Variants in KIF5B observed in about 807,000 individuals in gnomAD.
The protein encoded by KIF5B is kinesin family member 5B, also known as kinesin-1 heavy chain.
Under a neutral mutation model 132.8 loss-of-function variants are expected in KIF5B, and 49 were observed. The ratio of observed to expected loss-of-function variants is 0.37; its 90% CI spans 0.29 to 0.47. KIF5B has a LOEUF of 0.47. Ranked by LOEUF, KIF5B falls within the 20% of genes least tolerant of loss-of-function variation. The probability of loss-of-function intolerance (pLI) is 1.00; values close to 1 mark genes in which losing one functional copy is unlikely to be tolerated. For synonymous variants in KIF5B, 355 were observed against 369.4 expected (o/e 0.96, Z 0.45); for missense variants, 780 against 1,144.0 (o/e 0.68, Z 4.59).
At position 32,015,532 on chromosome 10, in the gene KIF5B, C is replaced by T. The variant is rs1284925325; in HGVS notation, c.2889G>A (p.Val963=). Residue 963 remains valine, a synonymous_variant, in exon 25 of 26, where the codon GTG becomes GTA. Coordinates refer to ENST00000302418, the MANE Select transcript of KIF5B (RefSeq NM_004521.3). Reference sequence around the variant, plus strand: ...ACCTGTGGGTATGTATAAACGATTACACTTGTTTGCCTCCTCCACCTCGCA... The same window carrying T: ...ACCTGTGGGTATGTATAAACGATTATACTTGTTTGCCTCCTCCACCTCGCA... ...VAVRGGGGKQ[V] is the part of the protein sequence containing the mutation. 3.1e-6 allele frequency: 5 copies of T among 1,608,520 alleles called. No individual in the cohort carries two copies. Among genetic ancestry groups the T allele is most frequent in the African/African-American group, 2.7e-5 (2 of 74,630 alleles).
At chr10:32,013,768 G>A (rs896924320) in intron 25 of KIF5B, among the ~76,000 whole-genome samples, 2 of 152,130 alleles carry the variant, frequency 1.3e-5, no homozygotes, top group Non-Finnish European at 2.9e-5. Flanking sequence ...TGTAAAACAA[G>A]TCAGAATGAG....
intron 2 of KIF5B, among the ~76,000 whole-genome samples, chr10:32,041,072 G>A (rs971718396): frequency 2.7e-5 from 4 of 150,522 alleles, no homozygotes; most frequent in Non-Finnish European, 5.9e-5. Flanking sequence ...CCTGAGCCCA[G>A]GAGAAGGAGG....
In KIF5B at chr10:32,023,979, T is replaced by C. The variant is rs12268355; in HGVS notation, c.1726-943A>G. On this transcript the variant is annotated intron_variant, in intron 15 of 25. Transcript: ENST00000302418. Reference sequence around the variant, plus strand: ...AATACAATACCAAAAACACAATCTATTAATGTAAAACTTGGTAAGTTGGAC... The same window carrying C: ...AATACAATACCAAAAACACAATCTACTAATGTAAAACTTGGTAAGTTGGAC... Among the ~76,000 whole-genome samples the C allele has an allele frequency of 4.8e-3, 722 of 150,844 alleles. 10 individuals are homozygous for C. Among genetic ancestry groups the C allele is most frequent in the African/African-American group, 0.017 (686 of 41,120 alleles).
intron 3 of KIF5B, 105 bp downstream of exon 3, chr10:32,040,279 A>AAT: frequency 6.7e-6 from 5 of 745,922 alleles, no homozygotes; most frequent in South Asian, 3.0e-5. Flanking sequence ...GAGAAAAGGC[A>AAT]ATAAAGAGTA....
At chr10:32,013,579 C>T (rs887432353) in intron 25 of KIF5B, among the ~76,000 whole-genome samples, 11 of 152,026 alleles carry the variant, frequency 7.2e-5, no homozygotes, top group African/African-American at 4.8e-5. Flanking sequence ...CTGGTTTAGA[C>T]AAACCAGCTG....
At chr10:32,041,493 G>A (rs1841538855) in intron 2 of KIF5B, among the ~76,000 whole-genome samples, 1 of 152,086 alleles carries the variant, frequency 6.6e-6, no homozygotes, top group Non-Finnish European at 1.5e-5. Flanking sequence ...TTTACATACA[G>A]ATGAGATTTT....
chr10:32,052,887 G>A (rs543818165), intron 1 of KIF5B, among the ~76,000 whole-genome samples: 1 of 152,146 alleles, frequency 6.6e-6, no homozygotes, highest in African/African-American at 2.4e-5. Context: ...GCCTGCCATG[G>A]TGTCATATTA....
In KIF5B at chr10:32,009,946, T is replaced by A. The variant is rs1354790641; in HGVS notation, c.*1591A>T. ...CAAAGATTTTTGACTATTAAAAAAA[T>A]AAATAAATAAATTTATATTTTAAAT... On this transcript the variant is annotated 3_prime_UTR_variant, in exon 26 of 26. Transcript: ENST00000302418. The A allele has an allele frequency of 5.9e-5, 9 of 151,340 alleles. No homozygotes were observed. The highest frequency in any genetic ancestry group is 2.6e-4 in the Admixed American group (4 of 15,172). 9.4% of individuals were successfully genotyped at this position (151,340 alleles called of 1,614,324 possible).
rs757680699 is a variant in KIF5B, at chr10:32,011,535, A to T, written c.*21-19T>A. On this transcript the variant is annotated intron_variant, in intron 25 of 25. Coordinates refer to ENST00000302418, the MANE Select transcript of KIF5B (RefSeq NM_004521.3). Reference sequence around the variant, plus strand: ...TTAACACCTAAAAATGGGAGAAAGCATAGAGTAAATATGTTTAGTTTTACA... The same window carrying T: ...TTAACACCTAAAAATGGGAGAAAGCTTAGAGTAAATATGTTTAGTTTTACA... 1 of 152,256 alleles carries T rather than the reference A, an allele frequency of 6.6e-6. No individual in the cohort carries two copies. The highest frequency in any genetic ancestry group is 1.5e-5 in the Non-Finnish European group (1 of 68,036). 9.4% of individuals were successfully genotyped at this position (152,256 alleles called of 1,614,324 possible). A position where few individuals can be genotyped will look rare whatever the true frequency, so the allele number is the denominator to read the frequency against.
intron 25 of KIF5B, among the ~76,000 whole-genome samples, chr10:32,014,290 C>G (rs561625977): frequency 7.9e-5 from 12 of 152,164 alleles, no homozygotes; most frequent in African/African-American, 2.7e-4. Context: ...ACTTGGGAGG[C>G]TGAGGCAGGA....
intron 3 of KIF5B, 79 bp from the exon 4 acceptor site, chr10:32,039,510 TATAGTC>T: frequency 1.4e-6 from 1 of 708,492 alleles, no homozygotes; most frequent in South Asian, 1.7e-5. Context: ...ATCTACAACT[TATAGTC>T]AAGAAAGGAC....
chr10:32,053,351 A>C (rs1452860786), intron 1 of KIF5B, among the ~76,000 whole-genome samples: 2 of 152,066 alleles, frequency 1.3e-5, no homozygotes, highest in Non-Finnish European at 2.9e-5. Context: ...GAAAACAATG[A>C]ACCAAAACAT....
chr10:32,052,077 C>T (rs1039396912), intron 1 of KIF5B, among the ~76,000 whole-genome samples: 5 of 152,148 alleles, frequency 3.3e-5, no homozygotes, highest in African/African-American at 1.2e-4. Context: ...CAACTGCATA[C>T]CTTAGGTTCC....
At position 32,037,222 on chromosome 10, in the gene KIF5B, T is replaced by TA. The variant is rs758091964; in HGVS notation, c.711+31dup. The TA allele has an allele frequency of 3.8e-6, 6 of 1,595,948 alleles. No individual in the cohort carries two copies. In the African/African-American group the frequency reaches 6.8e-5, roughly 18 times the overall value. ...TCAAACTAAAGTTTACAAAGATGCT[T>TA]AAATATTTGTCAAAATACATGAAGA... On this transcript the variant is annotated intron_variant, in intron 8 of 25. Transcript: ENST00000302418.
At position 32,032,686 on chromosome 10, in the gene KIF5B, G is replaced by C. The variant is rs779216636; in HGVS notation, c.1374+20C>G. On this transcript the variant is annotated intron_variant, in intron 13 of 25. Transcript: ENST00000302418. ...ACTATAAAGCTTTTCTGGAAGCAAT[G>C]TAAAAGGTATTCAACTCACCTCCTC... The C allele has an allele frequency of 1.9e-6, 3 of 1,588,540 alleles. No individual in the cohort carries two copies. The South Asian group carries it at 3.3e-5, about 18-fold the overall frequency.
At chr10:32,048,362 A>G (rs1203797434) in intron 2 of KIF5B, 102 bp downstream of exon 2, 1 of 713,776 alleles carries the variant, frequency 1.4e-6, no homozygotes, top group Non-Finnish European at 2.4e-6. Flanking sequence ...TTAACTTAGA[A>G]GAAAGGGGCA....
rs773274480 is a variant in KIF5B, at chr10:32,040,366, C to G, written c.288+18G>C. 6.8e-7 allele frequency: 1 copy of G among 1,476,872 alleles called. No individual in the cohort carries two copies. The highest frequency in any genetic ancestry group is 1.4e-5 in the African/African-American group (1 of 72,290). 91.5% of individuals were successfully genotyped at this position (1,476,872 alleles called of 1,614,324 possible). On this transcript the variant is annotated intron_variant, in intron 3 of 25. Coordinates refer to ENST00000302418, the MANE Select transcript of KIF5B (RefSeq NM_004521.3). ...ATGTATTGCAAACCACATCTAAGTA[C>G]AGATTATAAAACGTTACCTCCATTG...
rs1592445956 is a variant in KIF5B, at chr10:32,031,422, T to A, written c.1375-143A>T. 6 of 664,048 alleles carry A rather than the reference T, an allele frequency of 9.0e-6. No homozygotes were observed. The East Asian group carries it at 1.6e-4, about 18-fold the overall frequency. The allele number at this position is 664,048 out of a possible 1,614,324, so 41.1% of individuals were successfully genotyped here. A position where few individuals can be genotyped will look rare whatever the true frequency, so the allele number is the denominator to read the frequency against. On this transcript the variant is annotated intron_variant, in intron 13 of 25. Coordinates refer to ENST00000302418, the MANE Select transcript of KIF5B (RefSeq NM_004521.3). ...GCAACATTTATTCATTAAACAGATTTACTAAATGTCAACTATGTGCAGGCA... is the reference window on the plus strand; with the variant it reads ...GCAACATTTATTCATTAAACAGATTAACTAAATGTCAACTATGTGCAGGCA...
intron 2 of KIF5B, 89 bp downstream of exon 2, chr10:32,048,375 A>T: frequency 2.4e-6 from 2 of 844,166 alleles, no homozygotes; most frequent in Non-Finnish European, 3.8e-6. Context: ...AAGGGGCATT[A>T]AAATGAAAAA....
Sources: allele counts gnomAD v4.1 joint callset (sites outside exome capture counted in the v4.1 genomes callset), GRCh38; gene constraint gnomAD v4.1.1; transcripts MANE v1.5; gene names NCBI Gene and HGNC (gene_info 2026-07-23, HGNC 2026-07-21).